MBP: variants seen among roughly 807,000 people sequenced by gnomAD.
The protein encoded by MBP is Golli-MBP.
MBP carries 16 observed loss-of-function variants against 35.8 expected under a neutral mutation model. The ratio of observed to expected loss-of-function variants is 0.45; its 90% CI spans 0.30 to 0.68. The LOEUF is 0.68. MBP is among the 30% of genes least tolerant of loss of function. The pLI is 0.08. For missense variants in MBP, 380 were observed against 404.7 expected (o/e 0.94, Z 0.52); for synonymous variants, 143 against 159.6 (o/e 0.90, Z 0.78).
intron 1 of MBP, among the ~76,000 whole-genome samples, chr18:77,105,943 C>T (rs1007090158): frequency 3.9e-5 from 6 of 152,182 alleles, no homozygotes; most frequent in South Asian, 2.1e-4. Flanking sequence ...ATGCAAAGAA[C>T]GGAAGAATTG....
Position 76,980,325 on chromosome 18 carries a change from G to A in MBP, c.*102C>T, listed in dbSNP as rs542059086. On this transcript the variant is annotated 3_prime_UTR_variant, in exon 9 of 9. Coordinates refer to ENST00000355994, the MANE Select transcript of MBP (RefSeq NM_001025101.2). ...GCACAACTCCGCAGGCATTAGGGGA[G>A]GGGTCATCTGCTCTAATTAGGTAAC... 3 of 1,071,188 alleles carry A rather than the reference G, an allele frequency of 2.8e-6. No homozygotes were observed. The highest frequency in any genetic ancestry group is 2.5e-5 in the South Asian group (2 of 80,076). The allele number at this position is 1,071,188 out of a possible 1,614,324, so 66.4% of individuals were successfully genotyped here. A position where few individuals can be genotyped will look rare whatever the true frequency, so the allele number is the denominator to read the frequency against.
chr18:77,000,813 TGCC>T (rs948364407), intron 4 of MBP, among the ~76,000 whole-genome samples: 15 of 152,240 alleles, frequency 9.9e-5, no homozygotes, highest in African/African-American at 3.6e-4. Flanking sequence ...ACAGATGAGT[TGCC>T]GCCCGATGCA....
At chr18:77,025,705 CT>C (rs540022394) in intron 3 of MBP, among the ~76,000 whole-genome samples, 178 of 108,792 alleles carry the variant, frequency 1.6e-3, no homozygotes, top group Non-Finnish European at 1.4e-3. Flanking sequence ...TATTGAAATA[CT>C]TTTTTTTTTT....
intron 3 of MBP, among the ~76,000 whole-genome samples, chr18:77,033,752 A>G (rs905558330): frequency 2.7e-4 from 31 of 114,834 alleles, no homozygotes; most frequent in East Asian, 1.2e-3. Context: ...CTATGCATCA[A>G]TCCACCCATC....
chr18:77,003,401 G>A (rs1970744234), intron 4 of MBP: 1 of 152,182 alleles, frequency 6.6e-6, no homozygotes, highest in Non-Finnish European at 1.5e-5. Context: ...TGAGAGTGAA[G>A]GGCGAATGAA....
intron 4 of MBP, among the ~76,000 whole-genome samples, chr18:76,997,820 C>A (rs1194319357): frequency 1.3e-5 from 2 of 151,300 alleles, no homozygotes; most frequent in African/African-American, 4.9e-5. Flanking sequence ...GTAGCTGGGA[C>A]TAGAGGCTCC....
At chr18:77,021,254 C>T (rs986133855) in intron 3 of MBP, among the ~76,000 whole-genome samples, 2 of 152,160 alleles carry the variant, frequency 1.3e-5, no homozygotes, top group Non-Finnish European at 2.9e-5. Flanking sequence ...TTAGGTGACC[C>T]CCGCTCTGGT....
chr18:76,999,462 T>A (rs2123273715), intron 4 of MBP, among the ~76,000 whole-genome samples: 1 of 117,100 alleles, frequency 8.5e-6, no homozygotes, highest in East Asian at 2.3e-4. Context: ...AGTTTAGGTA[T>A]TTTTTTTTTT....
chr18:76,995,795 G>C (rs1970234972), intron 4 of MBP, among the ~76,000 whole-genome samples: 1 of 152,112 alleles, frequency 6.6e-6, no homozygotes, highest in African/African-American at 2.4e-5. Context: ...TCTTAGACCT[G>C]ACACCAAAAC....
chr18:77,061,309 A>T (rs1302655726), intron 3 of MBP, among the ~76,000 whole-genome samples: 1 of 152,238 alleles, frequency 6.6e-6, no homozygotes, highest in African/African-American at 2.4e-5. Context: ...TAAGCAGGAA[A>T]AATTCTTAGT....
intron 2 of MBP, among the ~76,000 whole-genome samples, chr18:77,087,177 C>T (rs541543462): frequency 3.9e-5 from 6 of 152,366 alleles, no homozygotes; most frequent in Admixed American, 3.3e-4. Context: ...GACTCCTGAC[C>T]CATCCAGGAG....
Position 76,978,997 on chromosome 18 carries a change from G to C in MBP, c.*1430C>G, listed in dbSNP as rs1043271240. 6.6e-6 allele frequency: 1 copy of C among 152,186 alleles called. No homozygotes were observed. The highest frequency in any genetic ancestry group is 2.4e-5 in the African/African-American group (1 of 41,442). The allele number at this position is 152,186 out of a possible 1,614,324, so 9.4% of individuals were successfully genotyped here. ...CTTCTGCTGAAAAATTTGGAGGTTT[G>C]TGTCTGGAGTTTTGTTCTTTGTAAC... On this transcript the variant is annotated 3_prime_UTR_variant, in exon 9 of 9. Transcript: ENST00000355994.
At chr18:77,095,433 A>G (rs960853921) in intron 2 of MBP, 2 of 152,274 alleles carry the variant, frequency 1.3e-5, no homozygotes, top group Non-Finnish European at 1.5e-5. Context: ...CAGATCAGAA[A>G]GGAAGAATTT....
intron 3 of MBP, among the ~76,000 whole-genome samples, chr18:77,029,185 G>C (rs1283334687): frequency 2.2e-5 from 3 of 135,058 alleles, no homozygotes; most frequent in Non-Finnish European, 3.4e-5. Context: ...GAGGCTGGCG[G>C]ATCACTCGCG....
At chr18:77,015,156 T>G in intron 4 of MBP, 1 of 984,808 alleles carries the variant, frequency 1.0e-6, no homozygotes. Context: ...ATGATTGATA[T>G]CAATGCTTTC....
chr18:77,011,355 C>T (rs1003058459), intron 4 of MBP, among the ~76,000 whole-genome samples: 23 of 152,174 alleles, frequency 1.5e-4, no homozygotes, highest in African/African-American at 4.6e-4. Context: ...AGCAAGTGTA[C>T]GCTATGTACA....
intron 1 of MBP, chr18:77,109,571 A>T (rs1789076): frequency 0.98 from 149,100 of 152,352 alleles, 73,040 homozygotes; most frequent in Middle Eastern, 1. Context: ...AATCCCTTGT[A>T]GAAATAAATG....
intron 2 of MBP, among the ~76,000 whole-genome samples, chr18:77,066,811 A>G (rs1219703201): frequency 2.6e-5 from 4 of 152,196 alleles, no homozygotes; most frequent in Non-Finnish European, 4.4e-5. Context: ...GACCACTTTG[A>G]TGGGAGAATG....
chr18:77,049,120 C>T (rs1303643190), intron 3 of MBP, among the ~76,000 whole-genome samples: 1 of 151,492 alleles, frequency 6.6e-6, no homozygotes, highest in Non-Finnish European at 1.5e-5. Flanking sequence ...GAGGTTTCAC[C>T]GTGTTAGCCT....
Sources: allele counts gnomAD v4.1 joint callset (sites outside exome capture counted in the v4.1 genomes callset), GRCh38; gene constraint gnomAD v4.1.1; transcripts MANE v1.5; gene names NCBI Gene and HGNC (gene_info 2026-07-23, HGNC 2026-07-21).